PKNOX2: variants seen among roughly 807,000 people sequenced by gnomAD.
PKNOX2 encodes the protein PBX/knotted 1 homeobox 2.
Under a neutral mutation model 53.1 loss-of-function variants are expected in PKNOX2, and 14 were observed. The observed-to-expected ratio is 0.26, with a 90% CI of 0.17 to 0.41. The LOEUF (loss-of-function observed/expected upper bound fraction) is 0.41. Ranked by LOEUF, PKNOX2 falls within the 10% of genes least tolerant of loss-of-function variation. The pLI is 1.00. For synonymous variants in PKNOX2, 257 were observed against 242.8 expected, an observed-to-expected ratio of 1.06 and a Z score of -0.54; for missense variants, 496 against 602.8, an observed-to-expected ratio of 0.82 and a Z score of 1.85.
intron 5 of PKNOX2, among the ~76,000 whole-genome samples, chr11:125,369,633 C>A (rs926645504): frequency 1.3e-5 from 2 of 152,086 alleles, no homozygotes; most frequent in African/African-American, 4.8e-5. Flanking sequence ...TGAGTTTGGT[C>A]CTAAAGGTTG....
At chr11:125,175,698 A>G (rs1432438750) in intron 1 of PKNOX2, among the ~76,000 whole-genome samples, 1 of 152,168 alleles carries the variant, frequency 6.6e-6, no homozygotes, top group Non-Finnish European at 1.5e-5. Flanking sequence ...AACAAGCAAC[A>G]GGTATGGGTG....
intron 6 of PKNOX2, among the ~76,000 whole-genome samples, chr11:125,389,441 G>A (rs1475175591): frequency 6.6e-6 from 1 of 152,142 alleles, no homozygotes; most frequent in Admixed American, 6.5e-5. Flanking sequence ...AGGGGACGCG[G>A]GTGGCTTTCC....
At chr11:125,399,788 G>T (rs1053098010) in intron 7 of PKNOX2, among the ~76,000 whole-genome samples, 1 of 152,190 alleles carries the variant, frequency 6.6e-6, no homozygotes, top group African/African-American at 2.4e-5. Context: ...GGAGCTGGGG[G>T]TGCACCAGGG....
At chr11:125,197,069 G>A (rs996572905) in intron 1 of PKNOX2, among the ~76,000 whole-genome samples, 3 of 152,206 alleles carry the variant, frequency 2.0e-5, no homozygotes, top group African/African-American at 7.2e-5. Flanking sequence ...ATTTCACAGG[G>A]TCACCATCGC....
rs1427763661 is a variant in PKNOX2, at chr11:125,165,087, G to T, written c.-201+311G>T. 6.7e-6 allele frequency among the ~76,000 whole-genome samples: 1 copy of T among 149,716 alleles called. No homozygotes were observed. Among genetic ancestry groups the T allele is most frequent in the African/African-American group, 2.4e-5 (1 of 41,114 alleles). ...GCAGCGCGAGGGGCGGCGAGGCCGG[G>T]CACGGAGGCTGCGAGAGCCCCGCGG... On this transcript the variant is annotated intron_variant, in intron 1 of 12. Coordinates refer to ENST00000298282, the MANE Select transcript of PKNOX2 (RefSeq NM_001382323.2). This position sits in a 1 kb window ranked among gnomAD's most constrained non-coding sequence, Gnocchi z 4.5.
intron 4 of PKNOX2, among the ~76,000 whole-genome samples, chr11:125,354,595 A>G (rs1445623967): frequency 6.6e-6 from 1 of 152,212 alleles, no homozygotes; most frequent in East Asian, 1.9e-4. Flanking sequence ...ACCGAGCATA[A>G]TCTATTCAAA....
In PKNOX2 at chr11:125,433,065, T is replaced by C. The variant is rs975971095; in HGVS notation, c.*1673T>C. Reference sequence around the variant, plus strand: ...TTATAATCTGGGTGATCCAATCATTTTTTACTCCCTTTTGATGCCATACAT... The same window carrying C: ...TTATAATCTGGGTGATCCAATCATTCTTTACTCCCTTTTGATGCCATACAT... On this transcript the variant is annotated 3_prime_UTR_variant, in exon 13 of 13. Coordinates refer to ENST00000298282, the MANE Select transcript of PKNOX2 (RefSeq NM_001382323.2). The C allele has an allele frequency of 6.5e-6, 1 of 152,696 alleles. No homozygotes were observed. The highest frequency in any genetic ancestry group is 2.4e-5 in the African/African-American group (1 of 41,468). 9.5% of individuals were successfully genotyped at this position (152,696 alleles called of 1,614,324 possible).
chr11:125,319,607 T>C (rs905404703), intron 2 of PKNOX2, among the ~76,000 whole-genome samples: 2 of 152,206 alleles, frequency 1.3e-5, no homozygotes, highest in Non-Finnish European at 2.9e-5. Flanking sequence ...TTTTATAGCC[T>C]AATGGAGAAA....
At chr11:125,313,389 G>C (rs1565494651) in intron 2 of PKNOX2, among the ~76,000 whole-genome samples, 6 of 152,176 alleles carry the variant, frequency 3.9e-5, no homozygotes. Flanking sequence ...GTCCCAAGTA[G>C]AATTTTCTCT....
chr11:125,232,593 C>T (rs1942305287), intron 1 of PKNOX2, among the ~76,000 whole-genome samples: 1 of 152,240 alleles, frequency 6.6e-6, no homozygotes, highest in Admixed American at 6.5e-5. Context: ...AACCACTAGA[C>T]ATCTTCTCTC....
chr11:125,233,976 A>C (rs1424296662), intron 1 of PKNOX2, among the ~76,000 whole-genome samples: 1 of 151,774 alleles, frequency 6.6e-6, no homozygotes, highest in African/African-American at 2.4e-5. Context: ...AGCTGGCGCT[A>C]CTCTCTCCTC....
intron 1 of PKNOX2, among the ~76,000 whole-genome samples, chr11:125,234,736 T>G (rs35408472): frequency 7.0e-6 from 1 of 143,416 alleles, no homozygotes; most frequent in Non-Finnish European, 1.5e-5. Context: ...TTGACAACCA[T>G]GAGGCTTTTT....
In PKNOX2 at chr11:125,185,485, A is replaced by G. The variant is rs113207555; in HGVS notation, c.-201+20709A>G. ...TTTCCAAAACATTTTTTCACTTCAG[A>G]CAGAAACTCTGTACCTATTAAGCAA... On this transcript the variant is annotated intron_variant, in intron 1 of 12. Transcript: ENST00000298282. Among the ~76,000 whole-genome samples, 108 of 152,282 alleles carry G rather than the reference A, an allele frequency of 7.1e-4. 1 individual carries two copies. The highest frequency in any genetic ancestry group is 2.5e-3 in the African/African-American group (105 of 41,566).
At chr11:125,356,189 G>A (rs1199576392) in intron 4 of PKNOX2, among the ~76,000 whole-genome samples, 1 of 152,220 alleles carries the variant, frequency 6.6e-6, no homozygotes, top group Non-Finnish European at 1.5e-5. Flanking sequence ...TGGCATGTCA[G>A]CTGCATGAGC....
In PKNOX2 at chr11:125,385,478, TGG is replaced by T; in HGVS notation, c.228-72_228-71del. On this transcript the variant is annotated intron_variant, in intron 5 of 12. Coordinates refer to ENST00000298282, the MANE Select transcript of PKNOX2 (RefSeq NM_001382323.2). ...TGAGGGGAACGTGGGCAGGGGAGCC[TGG>T]TGGCTTCTGAGCACAGGTAGCAGCA... 2.7e-6 allele frequency: 4 copies of T among 1,484,518 alleles called. No individual in the cohort carries two copies. In the Admixed American group the frequency reaches 9.6e-5, roughly 36 times the overall value. 92.0% of individuals were successfully genotyped at this position (1,484,518 alleles called of 1,614,324 possible).
chr11:125,395,883 CT>C (rs1954357367), intron 6 of PKNOX2, among the ~76,000 whole-genome samples: 1 of 151,712 alleles, frequency 6.6e-6, no homozygotes, highest in Admixed American at 6.6e-5. Context: ...GTCTTTTCCT[CT>C]TCTTCACAGG....
At chr11:125,196,977 C>G (rs796716324) in intron 1 of PKNOX2, among the ~76,000 whole-genome samples, 1 of 152,160 alleles carries the variant, frequency 6.6e-6, no homozygotes, top group Non-Finnish European at 1.5e-5. Context: ...TTGGGTAAAG[C>G]CGTAAGCGAT....
At chr11:125,395,956 T>A (rs550892656) in intron 6 of PKNOX2, among the ~76,000 whole-genome samples, 5 of 149,672 alleles carry the variant, frequency 3.3e-5, no homozygotes, top group African/African-American at 1.2e-4. Flanking sequence ...GGATCATCTT[T>A]TTTTTTTTTT....
intron 10 of PKNOX2, among the ~76,000 whole-genome samples, chr11:125,425,472 G>T (rs1484899280): frequency 1.3e-5 from 2 of 152,120 alleles, no homozygotes; most frequent in African/African-American, 4.8e-5. Flanking sequence ...GCTACTGTCT[G>T]GGCCCTTCTC....
Sources: allele counts gnomAD v4.1 joint callset (sites outside exome capture counted in the v4.1 genomes callset), GRCh38; gene constraint gnomAD v4.1.1; non-coding constraint Gnocchi (gnomAD v3.1); transcripts MANE v1.5; gene names NCBI Gene and HGNC (gene_info 2026-07-23, HGNC 2026-07-21).